KCNK2: variants seen among roughly 807,000 people sequenced by gnomAD.
KCNK2 encodes the protein potassium channel subfamily K member 2.
Under a neutral mutation model 40.5 loss-of-function variants are expected in KCNK2, and 21 were observed. The ratio of observed to expected loss-of-function variants is 0.52; its 90% CI spans 0.37 to 0.75. The LOEUF (loss-of-function observed/expected upper bound fraction) is 0.75. Ranked by LOEUF, KCNK2 falls within the 30% of genes least tolerant of loss-of-function variation. The pLI is 0.00. For synonymous variants in KCNK2, 191 were observed against 202.2 expected (o/e 0.94, Z 0.47); for missense variants, 399 against 531.6 (o/e 0.75, Z 2.45).
At chr1:215,177,259 T>C (rs1375206931) in intron 5 of KCNK2, among the ~76,000 whole-genome samples, 2 of 152,162 alleles carry the variant, frequency 1.3e-5, no homozygotes, top group African/African-American at 4.8e-5. Context: ...TGTTAGACCT[T>C]TGTCAGATGC....
At chr1:215,230,101 A>AGATATATATATAGATATATATAT (rs1666569951) in intron 6 of KCNK2, among the ~76,000 whole-genome samples, 10 of 35,426 alleles carry the variant, frequency 2.8e-4, no homozygotes, top group Non-Finnish European at 7.9e-4. Flanking sequence ...ATACACACAC[A>AGATATATATATAGATATATATAT]CACACACACA....
At chr1:215,065,458 A>T (rs371633683) in intron 1 of KCNK2, among the ~76,000 whole-genome samples, 2 of 152,208 alleles carry the variant, frequency 1.3e-5, no homozygotes, top group East Asian at 3.8e-4. Context: ...ATGAATTGAG[A>T]TATGAAATAT....
intron 2 of KCNK2, among the ~76,000 whole-genome samples, chr1:215,118,239 A>C (rs1661031090): frequency 6.6e-6 from 1 of 152,148 alleles, no homozygotes; most frequent in Admixed American, 6.6e-5. Flanking sequence ...CCAGAGGTTA[A>C]GAATGAGATG....
At chr1:215,086,138 C>G (rs987641331) in intron 1 of KCNK2, among the ~76,000 whole-genome samples, 2 of 152,056 alleles carry the variant, frequency 1.3e-5, no homozygotes, top group East Asian at 3.9e-4. Context: ...AGTTTTTTTC[C>G]TCTCATTTTG....
intron 1 of KCNK2, among the ~76,000 whole-genome samples, chr1:215,018,591 T>C (rs1407890705): frequency 6.6e-6 from 1 of 152,102 alleles, no homozygotes; most frequent in African/African-American, 2.4e-5. Flanking sequence ...GTAAGTAAGA[T>C]AGAGCCAGTG....
chr1:215,027,965 A>G (rs1312439285), intron 1 of KCNK2, among the ~76,000 whole-genome samples: 1 of 152,192 alleles, frequency 6.6e-6, no homozygotes, highest in African/African-American at 2.4e-5. Context: ...AATATATCTT[A>G]ATATTATTTT....
intron 2 of KCNK2, among the ~76,000 whole-genome samples, chr1:215,100,291 C>G (rs1209403444): frequency 1.3e-5 from 2 of 151,512 alleles, no homozygotes; most frequent in Non-Finnish European, 2.9e-5. Flanking sequence ...GCAGGGCAGC[C>G]CAAAATAGGT....
At chr1:215,084,898 T>C (rs933641189) in intron 1 of KCNK2, among the ~76,000 whole-genome samples, 1 of 152,250 alleles carries the variant, frequency 6.6e-6, no homozygotes. Context: ...GGATCCTGCC[T>C]TCTGCCATCA....
chr1:215,155,560 G>A (rs549804811), intron 3 of KCNK2, among the ~76,000 whole-genome samples: 7 of 151,952 alleles, frequency 4.6e-5, no homozygotes, highest in South Asian at 4.2e-4. Context: ...TTGCTCTGTC[G>A]CCAGGCTGGA....
Position 215,114,124 on chromosome 1 carries a change from T to C in KCNK2, c.358-10509T>C, listed in dbSNP as rs192257910. On this transcript the variant is annotated intron_variant, in intron 2 of 6. Coordinates refer to ENST00000444842, the MANE Select transcript of KCNK2 (RefSeq NM_001017425.3). Reference sequence around the variant, plus strand: ...AAACATATTCTTGGATTGTGGGAGTTAGGAGACAGATGAAGTGGAGAGAAG... The same window carrying C: ...AAACATATTCTTGGATTGTGGGAGTCAGGAGACAGATGAAGTGGAGAGAAG... 6.4e-4 allele frequency among the ~76,000 whole-genome samples: 97 copies of C among 152,222 alleles called. 1 individual carries two copies. Among genetic ancestry groups the C allele is most frequent in the African/African-American group, 2.0e-3 (85 of 41,546 alleles).
intron 1 of KCNK2, among the ~76,000 whole-genome samples, chr1:215,057,100 TG>T (rs904869281): frequency 3.1e-4 from 47 of 152,326 alleles, no homozygotes; most frequent in African/African-American, 1.1e-3. Context: ...TTCCTAAACC[TG>T]CCCCTAGCCA....
chr1:215,028,948 A>G (rs1369147513), intron 1 of KCNK2, among the ~76,000 whole-genome samples: 1 of 149,584 alleles, frequency 6.7e-6, no homozygotes, highest in African/African-American at 2.4e-5. Flanking sequence ...TTTGAAATTC[A>G]CTTATTTTAA....
chr1:215,131,763 G>T (rs1467303166), intron 3 of KCNK2, among the ~76,000 whole-genome samples: 1 of 151,916 alleles, frequency 6.6e-6, no homozygotes, highest in Non-Finnish European at 1.5e-5. Context: ...TTTTTCCTTA[G>T]AGCAACATTT....
chr1:215,214,443 G>T (rs1340808692), intron 6 of KCNK2, among the ~76,000 whole-genome samples: 1 of 152,126 alleles, frequency 6.6e-6, no homozygotes, highest in Admixed American at 6.5e-5. Context: ...TTTGGGTGGG[G>T]ATACATACCC....
chr1:215,170,682 C>T (rs1663669476), intron 4 of KCNK2, among the ~76,000 whole-genome samples: 1 of 152,036 alleles, frequency 6.6e-6, no homozygotes, highest in African/African-American at 2.4e-5. Context: ...AATAGAATCA[C>T]ACAGTTATTC....
At chr1:215,109,115 A>G (rs557110642) in intron 2 of KCNK2, among the ~76,000 whole-genome samples, 8 of 131,038 alleles carry the variant, frequency 6.1e-5, no homozygotes, top group Non-Finnish European at 1.2e-4. Flanking sequence ...TACATGTTAA[A>G]TTTTGTTGCA....
At chr1:215,113,161 G>T (rs1196558244) in intron 2 of KCNK2, among the ~76,000 whole-genome samples, 3 of 152,134 alleles carry the variant, frequency 2.0e-5, no homozygotes, top group East Asian at 3.9e-4. Context: ...TCATACACGT[G>T]GATAAAATAA....
rs1024598420 is a variant in KCNK2 at position 215,066,171 on chromosome 1, G to A, written c.35-20197G>A. Among the ~76,000 whole-genome samples the A allele has an allele frequency of 5.9e-5, 9 of 152,180 alleles. No individual in the cohort carries two copies. The South Asian group carries it at 8.3e-4, about 14-fold the overall frequency. On this transcript the variant is annotated intron_variant, in intron 1 of 6. Coordinates refer to the KCNK2 transcript ENST00000391895. ...AGGAGAAATACCTAATGCAGGTGAC[G>A]GGTTGATGGATACAGCACACCACTA...
At chr1:215,088,459 G>A in intron 2 of KCNK2, among the ~76,000 whole-genome samples, 1 of 151,924 alleles carries the variant, frequency 6.6e-6, no homozygotes, top group East Asian at 1.9e-4. Context: ...GAAAGTGTTA[G>A]ATTTGTTTTC....
Sources: gnomAD v4.1 joint callset for allele counts (sites outside exome capture counted in the v4.1 genomes callset) on GRCh38, gnomAD v4.1.1 for gene constraint, MANE v1.5 for transcripts, NCBI Gene and HGNC (gene_info 2026-07-23, HGNC 2026-07-21) for gene names.